The following SYNE1 variants were observed in gnomAD, a reference collection of about 807,000 sequenced individuals.
SYNE1 encodes the protein nesprin-1.
Under a neutral mutation model 1,111.0 loss-of-function variants are expected in SYNE1, and 616 were observed. That is an observed-to-expected ratio of 0.55 (90% CI 0.52 to 0.59). The LOEUF (loss-of-function observed/expected upper bound fraction) is 0.59. Among genes scored for constraint, SYNE1 ranks in the 20% least tolerant of loss-of-function variants. The pLI is 0.00. For synonymous variants in SYNE1, 3,855 were observed against 3,825.8 expected, an observed-to-expected ratio of 1.01 and a Z score of -0.28; for missense variants, 10,006 against 10,417.0, an observed-to-expected ratio of 0.96 and a Z score of 1.72.
rs536700217 is a variant in SYNE1 at position 152,585,895 on chromosome 6, T to C, written c.67+42370A>G. Among the ~76,000 whole-genome samples the C allele has an allele frequency of 2.3e-3, 347 of 152,240 alleles. 2 individuals carry two copies. The highest frequency in any genetic ancestry group is 8.0e-3 in the African/African-American group (334 of 41,568). Reference sequence around the variant, plus strand: ...AACCTTTGGTCTGCTTGAAATCGCATGTGTTTGTGTTTGTGTGTATGTGTG... The same window carrying C: ...AACCTTTGGTCTGCTTGAAATCGCACGTGTTTGTGTTTGTGTGTATGTGTG... On this transcript the variant is annotated intron_variant, in intron 3 of 145. Transcript: ENST00000367255.
Position 152,391,583 on chromosome 6 carries a change from A to AAAAAAAG in SYNE1, c.7713-16_7713-15insCTTTTTT. On this transcript the variant is annotated splice_polypyrimidine_tract_variant and intron_variant, in intron 51 of 145. Transcript: ENST00000367255. Reference sequence around the variant, plus strand: ...CAAGAGACTCTCTGAAAAAAAGGAAAAAAAAAAAAAAGAAAAAAAATTAAT... The same window carrying AAAAAAAG: ...CAAGAGACTCTCTGAAAAAAAGGAAAAAAAAAGAAAAAAAAAAAGAAAAAAAATTAAT... 1 of 1,542,926 alleles carries AAAAAAAG rather than the reference A, an allele frequency of 6.5e-7. No individual in the cohort carries two copies. The highest frequency in any genetic ancestry group is 8.7e-7 in the Non-Finnish European group (1 of 1,150,186).
chr6:152,478,708 T>C (rs1293517359), intron 14 of SYNE1: 1 of 152,160 alleles, frequency 6.6e-6, no homozygotes. Flanking sequence ...AGAGACAAGA[T>C]ATGAAATAGT....
chr6:152,280,302 G>T (rs1034471482), intron 97 of SYNE1, among the ~76,000 whole-genome samples: 11 of 152,124 alleles, frequency 7.2e-5, no homozygotes, highest in Non-Finnish European at 1.5e-4. Context: ...CTATTTTCTG[G>T]TGTGATTTAA....
rs745904106 is a variant in SYNE1 at position 152,151,556 on chromosome 6, G to C, written c.24447C>G (p.Leu8149=). 1.9e-6 allele frequency: 3 copies of C among 1,613,756 alleles called. No individual in the cohort carries two copies. Among genetic ancestry groups the C allele is most frequent in the African/African-American group, 1.3e-5 (1 of 74,848 alleles). The change falls in exon 135 of 146, where the codon CTC becomes CTG. Residue 8149 remains leucine, a synonymous_variant. Transcript: ENST00000367255. ...AACTTGAAAAATAATCTATTACCTT[G>C]AGTTGCTTTATTTTAGCTTGAACAT... is the stretch of plus-strand genomic sequence containing the variant. ...ECDVQAKIKQ[L]KAFQQEISLN...
At chr6:152,261,086 C>T (rs2091919196) in intron 101 of SYNE1, among the ~76,000 whole-genome samples, 1 of 152,228 alleles carries the variant, frequency 6.6e-6, no homozygotes, top group Non-Finnish European at 1.5e-5. Context: ...CAGTTATTGA[C>T]ACCCTTTGCT....
At chr6:152,572,569 G>T (rs1448108569) in intron 3 of SYNE1, among the ~76,000 whole-genome samples, 1 of 152,166 alleles carries the variant, frequency 6.6e-6, no homozygotes, top group East Asian at 1.9e-4. Flanking sequence ...TCTATGACCC[G>T]CCCAACGTCA....
chr6:152,395,218 A>T (rs2097713857), intron 51 of SYNE1, among the ~76,000 whole-genome samples: 1 of 152,156 alleles, frequency 6.6e-6, no homozygotes, highest in Non-Finnish European at 1.5e-5. Context: ...TATTAACACA[A>T]TGTTTAAAGG....
chr6:152,389,140 G>A (rs987205489), intron 53 of SYNE1, among the ~76,000 whole-genome samples: 7 of 152,170 alleles, frequency 4.6e-5, no homozygotes, highest in African/African-American at 9.6e-5. Flanking sequence ...TCACATTGCC[G>A]TGGATAACTG....
chr6:152,310,188 C>A (rs1357390603), intron 89 of SYNE1, among the ~76,000 whole-genome samples, 171 bp from the exon 90 acceptor site: 2 of 151,622 alleles, frequency 1.3e-5, no homozygotes, highest in African/African-American at 4.8e-5. Context: ...ACGTCTGTAA[C>A]CCCAGCACTT....
chr6:152,470,410 T>A (rs117146349), intron 16 of SYNE1, among the ~76,000 whole-genome samples: 25 of 152,142 alleles, frequency 1.6e-4, no homozygotes, highest in African/African-American at 6.0e-4. Flanking sequence ...TATTTCATAT[T>A]TGAAGAACTA....
At chr6:152,163,150 C>T (rs761384161) in intron 131 of SYNE1, among the ~76,000 whole-genome samples, 5 of 152,044 alleles carry the variant, frequency 3.3e-5, no homozygotes, top group African/African-American at 7.2e-5. Context: ...ATACCTCTAG[C>T]GGGGGATTTA....
At position 152,213,603 on chromosome 6, in the gene SYNE1, A is replaced by G. The variant is rs374939487; in HGVS notation, c.22494+9T>C. The G allele has an allele frequency of 5.0e-6, 8 of 1,614,040 alleles. No homozygotes were observed. The highest frequency in any genetic ancestry group is 6.8e-6 in the Non-Finnish European group (8 of 1,179,924). On this transcript the variant is annotated intron_variant, in intron 123 of 145. Transcript: ENST00000367255. ...TCTTATTACCCCCAAATCTACTGAT[A>G]CAACTTACCTCGTGTGCTCTCTGCT...
At position 152,590,994 on chromosome 6, in the gene SYNE1, G is replaced by A. The variant is rs547810375; in HGVS notation, c.67+37271C>T. Among the ~76,000 whole-genome samples, 4 of 152,214 alleles carry A rather than the reference G, an allele frequency of 2.6e-5. No homozygotes were observed. The South Asian group carries it at 8.3e-4, about 32-fold the overall frequency. On this transcript the variant is annotated intron_variant, in intron 3 of 145. Transcript: ENST00000367255. ...CTTTGGGCAGTATGGCCATTTTTACGATGTTGATTCTTTCAATCTATGAGT... is the reference window on the plus strand; with the variant it reads ...CTTTGGGCAGTATGGCCATTTTTACAATGTTGATTCTTTCAATCTATGAGT...
chr6:152,329,897 G>T lies in SYNE1; in HGVS notation c.14788C>A (p.His4930Asn). 1 of 1,614,144 alleles carries T rather than the reference G, an allele frequency of 6.2e-7. No individual in the cohort carries two copies. Among genetic ancestry groups the T allele is most frequent in the South Asian group, 1.1e-5 (1 of 91,086 alleles). Residue 4930 changes from histidine to asparagine, a missense_variant, in exon 78 of 146, where the codon CAT becomes AAT. Transcript: ENST00000367255. Reference protein sequence around the residue: ...IQEEIRKIQIHQEEVQSSLRI... With the variant: ...IQEEIRKIQINQEEVQSSLRI... ...AAGCTGGACTGGACCTCTTCCTGAT[G>T]AATTTGGATTTTTCTGATTTCCTCT...
chr6:152,397,174 T>C (rs2097746743), intron 49 of SYNE1, among the ~76,000 whole-genome samples, 194 bp from the exon 50 acceptor site: 1 of 152,202 alleles, frequency 6.6e-6, no homozygotes, highest in Non-Finnish European at 1.5e-5. Flanking sequence ...CTGGAACCAC[T>C]GAGGACAAAG....
chr6:152,425,570 G>A (rs750628363), intron 38 of SYNE1, 23 bp from the exon 39 acceptor site: 2 of 1,613,808 alleles, frequency 1.2e-6, no homozygotes, highest in Non-Finnish European at 1.7e-6. Flanking sequence ...AGACATTACG[G>A]ATCTCATCCT....
intron 104 of SYNE1, among the ~76,000 whole-genome samples, chr6:152,254,244 C>CTTGT (rs1562531205): frequency 1.1e-4 from 8 of 73,142 alleles, no homozygotes; most frequent in Non-Finnish European, 1.4e-4. Context: ...TCTGCATACT[C>CTTGT]TTTTTTTTTT....
intron 97 of SYNE1, among the ~76,000 whole-genome samples, chr6:152,278,489 A>C (rs2093797207): frequency 6.6e-6 from 1 of 151,802 alleles, no homozygotes; most frequent in East Asian, 1.9e-4. Flanking sequence ...TTTAGACAGA[A>C]TCTCACTCTG....
At position 152,330,345 on chromosome 6, in the gene SYNE1, G is replaced by A; in HGVS notation, c.14340C>T (p.Tyr4780=). 3 of 1,614,144 alleles carry A rather than the reference G, an allele frequency of 1.9e-6. No individual in the cohort carries two copies. Among genetic ancestry groups the A allele is most frequent in the Non-Finnish European group, 2.5e-6 (3 of 1,180,036 alleles). ...VSLLEDTTSA[Y]QEHEKMCQQL... ...GTTGGCACATCTTCTCGTGTTCTTG[G>A]TAAGCACTGGTGGTGTCTTCTAATA... Residue 4780 remains tyrosine (Y), a synonymous_variant, in exon 78 of 146, where the codon TAC becomes TAT. Coordinates refer to ENST00000367255, the MANE Select transcript of SYNE1 (RefSeq NM_182961.4).
Sources: gnomAD v4.1 joint callset for allele counts (sites outside exome capture counted in the v4.1 genomes callset) on GRCh38, gnomAD v4.1.1 for gene constraint, MANE v1.5 for transcripts, NCBI Gene and HGNC (gene_info 2026-07-23, HGNC 2026-07-21) for gene names.